ZC3HAV1: variants seen among roughly 807,000 people sequenced by gnomAD.
ZC3HAV1 encodes the protein zinc finger CCCH-type antiviral protein 1.
In ZC3HAV1, 41 loss-of-function variants were observed where a neutral mutation model predicts 86.6. The observed-to-expected ratio is 0.47, with a 90% confidence interval of 0.37 to 0.61. The LOEUF is 0.61. Among genes scored for constraint, ZC3HAV1 ranks in the 20% least tolerant of loss-of-function variants. The pLI is 0.00. For missense variants in ZC3HAV1, 964 were observed against 1,141.1 expected (o/e 0.84, Z 2.24); for synonymous variants, 421 against 432.1 (o/e 0.97, Z 0.32).
At chr7:139,094,513 A>AAAC (rs1817525752) in intron 1 of ZC3HAV1, among the ~76,000 whole-genome samples, 1 of 151,852 alleles carries the variant, frequency 6.6e-6, no homozygotes, top group African/African-American at 2.4e-5. Flanking sequence ...AAAAAAAAAA[A>AAAC]ACAGCAAAGA....
At chr7:139,104,595 C>T (rs1278859032) in intron 1 of ZC3HAV1, among the ~76,000 whole-genome samples, 2 of 151,752 alleles carry the variant, frequency 1.3e-5, no homozygotes, top group African/African-American at 2.4e-5. Flanking sequence ...TGGTGGCAGG[C>T]GCCTGTAGTC....
chr7:139,078,327 G>T (rs1206818178), intron 5 of ZC3HAV1, among the ~76,000 whole-genome samples: 1 of 152,138 alleles, frequency 6.6e-6, no homozygotes, highest in East Asian at 1.9e-4. Flanking sequence ...CTTGTGCATT[G>T]CTGGTGGGAA....
At chr7:139,057,183 C>T (rs540452986) in intron 9 of ZC3HAV1, among the ~76,000 whole-genome samples, 2 of 151,950 alleles carry the variant, frequency 1.3e-5, no homozygotes, top group African/African-American at 2.4e-5. Flanking sequence ...ATCCCCCTCC[C>T]CATCTCTAGA....
At position 139,047,634 on chromosome 7, in the gene ZC3HAV1, A is replaced by C; in HGVS notation, c.2669T>G (p.Val890Gly). 1.9e-6 allele frequency: 3 copies of C among 1,614,070 alleles called. No homozygotes were observed. The highest frequency in any genetic ancestry group is 2.5e-6 in the Non-Finnish European group (3 of 1,180,014). ...FQKDQVYPQYVIEYTEDKACV... is the reference protein window; with the variant it reads ...FQKDQVYPQYGIEYTEDKACV... ...GGCTTTGTCTTCAGTATATTCAATC[A>C]CATATTGTGGGTAAACCTGATCTTT... Residue 890 changes from valine to glycine, a missense_variant, in exon 13 of 13, where the codon GTG becomes GGG. Coordinates refer to ENST00000242351, the MANE Select transcript of ZC3HAV1 (RefSeq NM_020119.4).
intron 1 of ZC3HAV1, among the ~76,000 whole-genome samples, chr7:139,106,417 G>T (rs534667246): frequency 6.6e-6 from 1 of 151,976 alleles, no homozygotes; most frequent in Non-Finnish European, 1.5e-5. Flanking sequence ...GTTCGAGACC[G>T]GCCTGGCCAA....
rs186110249 is a variant in ZC3HAV1, at chr7:139,083,711, A to C, written c.697+69T>G. 53 of 1,492,312 alleles carry C rather than the reference A, an allele frequency of 3.6e-5. No individual in the cohort carries two copies. In the African/African-American group the frequency reaches 6.9e-4, roughly 19 times the overall value. The allele number at this position is 1,492,312 out of a possible 1,614,324, so 92.4% of individuals were successfully genotyped here. On this transcript the variant is annotated intron_variant, in intron 3 of 12. Transcript: ENST00000242351. ...CACTGTACTCCAGCTTGGGTGACAG[A>C]GAGAGACTCTGTCTCAAAAAAAAAA...
chr7:139,085,670 G>A (rs1303873814), intron 2 of ZC3HAV1, among the ~76,000 whole-genome samples: 1 of 152,054 alleles, frequency 6.6e-6, no homozygotes, highest in Non-Finnish European at 1.5e-5. Flanking sequence ...ACTTAACTTC[G>A]CCCCTCTCTT....
At chr7:139,076,155 CAA>C in intron 6 of ZC3HAV1, 129 bp downstream of exon 6, 1 of 1,429,376 alleles carries the variant, frequency 7.0e-7, no homozygotes, top group Non-Finnish European at 9.5e-7. Flanking sequence ...TTTTTTATCT[CAA>C]GAGGTATTTC....
Position 139,047,763 on chromosome 7 carries a change from A to G in ZC3HAV1, c.2540T>C (p.Val847Ala). The G allele has an allele frequency of 6.2e-7, 1 of 1,614,090 alleles. No individual in the cohort carries two copies. Among genetic ancestry groups the G allele is most frequent in the Non-Finnish European group, 8.5e-7 (1 of 1,180,006 alleles). Residue 847 changes from valine (V) to alanine (A), a missense_variant, in exon 13 of 13, where the codon GTT becomes GCT. Transcript: ENST00000242351. ...NVVMFVAQVL[V>A]GKFTEGNITY... ...TATATTTCCTTCAGTAAACTTTCCA[A>G]CCAGAACTTGGGCTACAAACATAAC...
intron 1 of ZC3HAV1, among the ~76,000 whole-genome samples, chr7:139,102,339 G>C (rs1032001102): frequency 6.6e-6 from 1 of 151,998 alleles, no homozygotes; most frequent in South Asian, 2.1e-4. Flanking sequence ...TATGTTGCCC[G>C]GGCTGGTCTC....
intron 1 of ZC3HAV1, among the ~76,000 whole-genome samples, chr7:139,102,224 C>A (rs555836420): frequency 1.3e-5 from 2 of 152,254 alleles, no homozygotes; most frequent in African/African-American, 4.8e-5. Flanking sequence ...GCCTTGTCCT[C>A]CCAGGCTCAA....
intron 7 of ZC3HAV1, 22 bp from the exon 8 acceptor site, chr7:139,065,021 G>A (rs1222080022): frequency 1.2e-6 from 2 of 1,613,560 alleles, no homozygotes; most frequent in African/African-American, 2.7e-5. Context: ...AAAAATAAAA[G>A]GTAAAGTCAG....
intron 1 of ZC3HAV1, among the ~76,000 whole-genome samples, chr7:139,091,055 G>A (rs1384607059): frequency 6.6e-6 from 1 of 152,074 alleles, no homozygotes; most frequent in African/African-American, 2.4e-5. Context: ...TCCTTGATAA[G>A]GTCGACCTCA....
intron 1 of ZC3HAV1, among the ~76,000 whole-genome samples, chr7:139,100,532 TC>T (rs1817719562): frequency 6.8e-6 from 1 of 148,024 alleles, no homozygotes; most frequent in Non-Finnish European, 1.5e-5. Flanking sequence ...AGGCTCTGTC[TC>T]AAAAAAAAAC....
At chr7:139,057,387 G>A (rs918056308) in intron 9 of ZC3HAV1, among the ~76,000 whole-genome samples, 1 of 151,954 alleles carries the variant, frequency 6.6e-6, no homozygotes, top group African/African-American at 2.4e-5. Flanking sequence ...GGTGATGGTA[G>A]TAACAATATT....
intron 3 of ZC3HAV1, among the ~76,000 whole-genome samples, chr7:139,081,927 C>T (rs1817137835): frequency 6.6e-6 from 1 of 152,180 alleles, no homozygotes; most frequent in African/African-American, 2.4e-5. Flanking sequence ...TTCATAAAGA[C>T]ATTAAAAATG....
At chr7:139,083,206 A>C (rs1817176479) in intron 3 of ZC3HAV1, among the ~76,000 whole-genome samples, 1 of 145,236 alleles carries the variant, frequency 6.9e-6, no homozygotes, top group Non-Finnish European at 1.5e-5. Flanking sequence ...AAGCTTTGTT[A>C]ATTAGTTTTT....
At chr7:139,078,234 G>A (rs55975111) in intron 5 of ZC3HAV1, among the ~76,000 whole-genome samples, 8,109 of 152,202 alleles carry the variant, frequency 0.053, 247 homozygotes, top group South Asian at 0.076. Flanking sequence ...GTGAGACTCC[G>A]TCTCAAAACA....
chr7:139,080,207 G>T lies in ZC3HAV1; in HGVS notation c.734C>A (p.Ala245Asp). ...SSHRRNMAYR[A>D]RSKSRDRFFQ... The stretch of plus-strand genomic sequence containing the variant: ...GAACCGATCTCTACTCTTGCTTCTA[G>T]CCCTATATGCCATGTTTCTACGATG... Residue 245 changes from alanine (A) to aspartate (D), a missense_variant, in exon 4 of 13, where the codon GCT becomes GAT. Coordinates refer to ENST00000242351, the MANE Select transcript of ZC3HAV1 (RefSeq NM_020119.4). The T allele has an allele frequency of 6.2e-7, 1 of 1,614,150 alleles. No individual in the cohort carries two copies. Among genetic ancestry groups the T allele is most frequent in the Middle Eastern group, 1.6e-4 (1 of 6,062 alleles).
Sources: allele counts gnomAD v4.1 joint callset (sites outside exome capture counted in the v4.1 genomes callset), GRCh38; gene constraint gnomAD v4.1.1; transcripts MANE v1.5; gene names NCBI Gene and HGNC (gene_info 2026-07-23, HGNC 2026-07-21).